The following FBXL18 variants were observed in gnomAD, a reference collection of about 807,000 sequenced individuals.
FBXL18 encodes the protein F-box and leucine rich repeat protein 18.
Under a neutral mutation model 46.0 loss-of-function variants are expected in FBXL18, and 36 were observed. The observed-to-expected ratio is 0.78, with a 90% CI of 0.60 to 1.03. The LOEUF (loss-of-function observed/expected upper bound fraction) is 1.03, where lower values mean the gene tolerates loss of function less well. Among genes scored for constraint, FBXL18 ranks in the 50% least tolerant of loss-of-function variants. The probability of loss-of-function intolerance (pLI) is 0.00; values close to 1 mark genes in which losing one functional copy is unlikely to be tolerated. For missense variants in FBXL18, 977 were observed against 1,004.1 expected (o/e 0.97, Z 0.36); for synonymous variants, 557 against 465.3 (o/e 1.20, Z -2.54).
intron 4 of FBXL18, among the ~76,000 whole-genome samples, chr7:5,483,692 C>T (rs548212490): frequency 6.7e-4 from 102 of 151,552 alleles, no homozygotes; most frequent in African/African-American, 2.0e-3. Context: ...TGCAGTGAGC[C>T]GAGATTGCGC....
rs1035369855 is a variant in FBXL18, at chr7:5,491,306, T to C, written c.1925A>G (p.Gln642Arg). The C allele has an allele frequency of 3.7e-6, 6 of 1,612,288 alleles. No homozygotes were observed. Among genetic ancestry groups the C allele is most frequent in the Middle Eastern group, 1.6e-4 (1 of 6,082 alleles). The stretch of plus-strand genomic sequence containing the variant: ...GGTGAACAGGTGGCACATGACAACC[T>C]GCAGGCAGCGAGCCATGAAGGCCAG... ...AVLAFMARCLQVVMCHLFTGE... is the reference protein window; with the variant it reads ...AVLAFMARCLRVVMCHLFTGE... The change falls in exon 4 of 5, where the codon CAG becomes CGG. Residue 642 changes from glutamine to arginine, a missense_variant. Transcript: ENST00000382368.
chr7:5,504,915 C>CAAAA (rs59985346), intron 2 of FBXL18, among the ~76,000 whole-genome samples: 212 of 30,078 alleles, frequency 7.0e-3, no homozygotes, highest in Non-Finnish European at 9.2e-3. Flanking sequence ...GACTCCATCT[C>CAAAA]AAAAAAAAAA....
chr7:5,506,310 G>A (rs184992811), intron 1 of FBXL18, among the ~76,000 whole-genome samples: 8 of 149,520 alleles, frequency 5.4e-5, no homozygotes, highest in African/African-American at 2.0e-4. Flanking sequence ...GTGCAGTGGC[G>A]CAATCTCGGT....
At position 5,481,620 on chromosome 7, in the gene FBXL18, AGCCGTGGAGAC is replaced by A. The variant is rs1288378744; in HGVS notation, c.*144_*154del. 1.3e-6 allele frequency: 1 copy of A among 741,922 alleles called. No individual in the cohort carries two copies. Among genetic ancestry groups the A allele is most frequent in the African/African-American group, 1.8e-5 (1 of 57,078 alleles). The allele number at this position is 741,922 out of a possible 1,614,324, so 46.0% of individuals were successfully genotyped here. A position where few individuals can be genotyped will look rare whatever the true frequency, so the allele number is the denominator to read the frequency against. On this transcript the variant is annotated 3_prime_UTR_variant, in exon 5 of 5. Transcript: ENST00000382368. Reference sequence around the variant, plus strand: ...CACAGAGCAACAGTCCCCATGAGAGAGCCGTGGAGACGCCGGGAGCCCCAGGAGCCAGGTGG... The same window carrying A: ...CACAGAGCAACAGTCCCCATGAGAGAGCCGGGAGCCCCAGGAGCCAGGTGG...
At chr7:5,497,794 A>G (rs1784122318) in intron 3 of FBXL18, among the ~76,000 whole-genome samples, 1 of 152,220 alleles carries the variant, frequency 6.6e-6, no homozygotes. Flanking sequence ...CAAGGCTGCA[A>G]TCGCAGCAGA....
chr7:5,474,552 G>A (rs1203162404), downstream of FBXL18, among the ~76,000 whole-genome samples: 1 of 152,086 alleles, frequency 6.6e-6, no homozygotes, highest in Non-Finnish European at 1.5e-5. Context: ...CTGGGCACAA[G>A]TGTTGTTTCT....
chr7:5,481,528 C>T lies in FBXL18; in HGVS notation c.*247G>A. On this transcript the variant is annotated 3_prime_UTR_variant, in exon 5 of 5. Transcript: ENST00000382368. ...CCAAGGGTCAGCCTGGTTCAGCCAG[C>T]CCCCCACATCGACCGTCCCCCGAGC... The T allele has an allele frequency of 2.2e-6, 1 of 449,704 alleles. No individual in the cohort carries two copies. The highest frequency in any genetic ancestry group is 4.6e-5 in the East Asian group (1 of 21,590). The allele number at this position is 449,704 out of a possible 1,614,324, so 27.9% of individuals were successfully genotyped here.
At chr7:5,461,058 G>A (rs1256443377) in intron 4 of FBXL18, among the ~76,000 whole-genome samples, 3 of 152,252 alleles carry the variant, frequency 2.0e-5, no homozygotes, top group East Asian at 1.9e-4. Flanking sequence ...TTAGGTCCCC[G>A]CCAGCCTTTC....
chr7:5,493,696 TGGAGACAGGG>T (rs1256540655), intron 3 of FBXL18, among the ~76,000 whole-genome samples: 4 of 150,612 alleles, frequency 2.7e-5, no homozygotes, highest in Admixed American at 1.3e-4. Context: ...TGTGTGTGTG[TGGAGACAGGG>T]GTCTCACTAT....
At chr7:5,471,327 A>C (rs896298377), downstream of FBXL18, among the ~76,000 whole-genome samples, 25 of 152,160 alleles carry the variant, frequency 1.6e-4, no homozygotes, top group Admixed American at 1.3e-4. Context: ...CCCAGGCTGG[A>C]GTGCAGTGGC....
At chr7:5,498,771 C>T (rs971662758) in intron 3 of FBXL18, among the ~76,000 whole-genome samples, 1 of 151,882 alleles carries the variant, frequency 6.6e-6, no homozygotes, top group Non-Finnish European at 1.5e-5. Context: ...CAGAGTTTTA[C>T]CATGTTGGCC....
chr7:5,506,680 C>T (rs542919283), intron 1 of FBXL18, among the ~76,000 whole-genome samples: 2 of 152,210 alleles, frequency 1.3e-5, no homozygotes, highest in South Asian at 4.1e-4. Flanking sequence ...CCTCAGCCTC[C>T]TGAGTACCTG....
At position 5,501,861 on chromosome 7, in the gene FBXL18, G is replaced by C; in HGVS notation, c.408C>G (p.Leu136=). Residue 136 remains leucine (L), a synonymous_variant, in exon 3 of 5, where the codon CTC becomes CTG. Transcript: ENST00000382368. ...GCTGCAGGGCCGAGAGCATCTTGGA[G>C]AGGCGCAGGGAAGTGAGGTGGCAGC... The part of the protein sequence containing the change: ...LSGCHLTSLR[L]SKMLSALQHL... The C allele has an allele frequency of 6.2e-7, 1 of 1,602,138 alleles. No individual in the cohort carries two copies. Among genetic ancestry groups the C allele is most frequent in the Non-Finnish European group, 8.5e-7 (1 of 1,175,644 alleles).
intron 3 of FBXL18, among the ~76,000 whole-genome samples, chr7:5,494,130 G>A (rs1392123462): frequency 6.6e-6 from 1 of 152,112 alleles, no homozygotes. Flanking sequence ...AAATTAGCTG[G>A]TCGTGGTGGC....
chr7:5,464,155 C>T (rs1783307276), intron 4 of FBXL18, among the ~76,000 whole-genome samples: 1 of 151,790 alleles, frequency 6.6e-6, no homozygotes, highest in Non-Finnish European at 1.5e-5. Context: ...ACCAGCCTGG[C>T]CAACATGGTG....
intron 3 of FBXL18, among the ~76,000 whole-genome samples, chr7:5,494,640 A>G (rs555112677): frequency 1.9e-3 from 290 of 152,322 alleles, no homozygotes; most frequent in African/African-American, 6.6e-3. Context: ...GAAGGTGGGA[A>G]ACGGGAAGGG....
intron 4 of FBXL18, among the ~76,000 whole-genome samples, chr7:5,463,004 TAC>T (rs1554316071): frequency 2.4e-5 from 2 of 83,926 alleles, no homozygotes; most frequent in African/African-American, 7.8e-5. Flanking sequence ...ATAATATATA[TAC>T]ACACACACAT....
Position 5,484,904 on chromosome 7 carries a change from G to A in FBXL18, c.2001-2973C>T, listed in dbSNP as rs1393613694. The stretch of plus-strand genomic sequence containing the variant: ...TCCACCCGCCTCAGCCTCCCAAAGT[G>A]CTGGGATTACAGGTGTGAGCCACCA... On this transcript the variant is annotated intron_variant, in intron 4 of 4. Transcript: ENST00000382368. Among the ~76,000 whole-genome samples the A allele has an allele frequency of 1.3e-5, 2 of 152,006 alleles. 1 individual carries two copies. Among genetic ancestry groups the A allele is most frequent in the Admixed American group, 1.3e-4 (2 of 15,256 alleles).
intron 1 of FBXL18, among the ~76,000 whole-genome samples, chr7:5,508,555 G>A (rs1784451046): frequency 6.6e-6 from 1 of 151,458 alleles, no homozygotes; most frequent in Admixed American, 6.6e-5. Flanking sequence ...GCTGCAGTGA[G>A]CTAGGATCTT....
Sources: allele counts gnomAD v4.1 joint callset (sites outside exome capture counted in the v4.1 genomes callset), GRCh38; gene constraint gnomAD v4.1.1; transcripts MANE v1.5; gene names NCBI Gene and HGNC (gene_info 2026-07-23, HGNC 2026-07-21).